Variants in CRAMP1 observed in about 807,000 individuals in gnomAD.
CRAMP1 encodes protein cramped-like.
A neutral mutation model predicts 115.4 loss-of-function variants in CRAMP1; 50 were observed. The observed-to-expected ratio is 0.43, with a 90% CI of 0.35 to 0.55. The LOEUF is 0.55. CRAMP1 is among the 20% of genes least tolerant of loss of function. CRAMP1 has a pLI of 0.01. For synonymous variants in CRAMP1, 866 were observed against 745.4 expected (o/e 1.16, Z -2.64); for missense variants, 1,679 against 1,721.7 (o/e 0.98, Z 0.44).
At position 1,676,603 on chromosome 16, in the gene CRAMP1, A is replaced by T. The variant is rs1356627011; in HGVS notation, c.*2558A>T. 1 of 152,256 alleles carries T rather than the reference A, an allele frequency of 6.6e-6. No homozygotes were observed. The highest frequency in any genetic ancestry group is 6.5e-5 in the Admixed American group (1 of 15,292). 9.4% of individuals were successfully genotyped at this position (152,256 alleles called of 1,614,324 possible). The stretch of plus-strand genomic sequence containing the variant: ...TGTGGCTTCCTTTGTGCATTTGAGC[A>T]TGCTGTAATTAAGATGAGATCAGTT... On this transcript the variant is annotated 3_prime_UTR_variant, in exon 21 of 21. Coordinates refer to ENST00000397412, the MANE Select transcript of CRAMP1 (RefSeq NM_020825.4).
intron 2 of CRAMP1, among the ~76,000 whole-genome samples, chr16:1,620,977 A>C (rs904747248): frequency 6.6e-6 from 1 of 151,616 alleles, no homozygotes; most frequent in Non-Finnish European, 1.5e-5. Flanking sequence ...AAGTTTCCCC[A>C]TTTCTAAAAT....
In CRAMP1 at chr16:1,656,496, C is replaced by T. The variant is rs542745050; in HGVS notation, c.1739C>T (p.Ala580Val). 26 of 1,571,978 alleles carry T rather than the reference C, an allele frequency of 1.7e-5. No homozygotes were observed. In the East Asian group the frequency reaches 2.1e-4, roughly 13 times the overall value. The change falls in exon 10 of 21, where the codon GCG (alanine) becomes GTG (valine). Residue 580 changes from alanine (A) to valine (V), a missense_variant. By Grantham distance (64) the Ala-to-Val change is moderately conservative. This residue lies in a region of CRAMP1 where 405 missense variants were observed against 302.6 expected (regional missense o/e 1.34). Transcript: ENST00000397412. This position sits in a 1 kb window ranked among gnomAD's most constrained non-coding sequence, Gnocchi z 5.6. ...ATTGTCCCCGAGCAGTGCCGCTGTG[C>T]GGACACACGGCCTGGGAGCGAGCAG... ...DLIVPEQCRC[A>V]DTRPGSEQPP...
Position 1,632,293 on chromosome 16 carries a change from A to G in CRAMP1, c.622A>G (p.Asn208Asp). The change falls in exon 4 of 21, where the codon AAC becomes GAC. Residue 208 changes from asparagine to aspartate, a missense_variant. Physicochemically the swap from Asn to Asp is conservative, Grantham distance 23. Transcript: ENST00000397412. Reference sequence around the variant, plus strand: ...AGGCAAGCCAGCAAGCATGGTGAAGAACAAGGAGCAGGTCCGCCACTTCTA... The same window carrying G: ...AGGCAAGCCAGCAAGCATGGTGAAGGACAAGGAGCAGGTCCGCCACTTCTA... ...KKGKPASMVK[N>D]KEQVRHFYYR... 6.2e-7 allele frequency: 1 copy of G among 1,600,106 alleles called. No individual in the cohort carries two copies. The highest frequency in any genetic ancestry group is 8.5e-7 in the Non-Finnish European group (1 of 1,173,886).
At position 1,614,790 on chromosome 16, in the gene CRAMP1, AC is replaced by A; in HGVS notation, c.157del (p.Arg53GlyfsTer94). 4.5e-6 allele frequency: 6 copies of A among 1,334,018 alleles called. No individual in the cohort carries two copies. The highest frequency in any genetic ancestry group is 4.2e-5 in the South Asian group (2 of 47,530). The allele number at this position is 1,334,018 out of a possible 1,614,324, so 82.6% of individuals were successfully genotyped here. On this transcript the variant is annotated frameshift_variant, in exon 2 of 21. Coordinates refer to ENST00000397412, the MANE Select transcript of CRAMP1 (RefSeq NM_020825.4). LOFTEE classifies it high-confidence loss of function. The surrounding 1 kb of genome is among the most constrained non-coding windows in gnomAD (Gnocchi z 4.4). ...CAGCGGCACAAAGAGGGACGAGAAG[AC>A]CCCCCGGGCCGGCGCCGACGGCCCC... ...ESSGTKRDEK[T>X]PRAGADGPPA...
chr16:1,624,264 C>G (rs928671758), intron 2 of CRAMP1, among the ~76,000 whole-genome samples: 4 of 151,852 alleles, frequency 2.6e-5, no homozygotes, highest in Non-Finnish European at 5.9e-5. Flanking sequence ...GACAGACCCC[C>G]CACCGGGTGA....
At chr16:1,619,858 A>T (rs2036451391) in intron 2 of CRAMP1, among the ~76,000 whole-genome samples, 1 of 152,186 alleles carries the variant, frequency 6.6e-6, no homozygotes, top group African/African-American at 2.4e-5. Context: ...GGAAGAGGAC[A>T]TCTCAGAGTC....
chr16:1,676,177 G>A lies in CRAMP1; in HGVS notation c.*2132G>A, dbSNP rs2036965930. 1 of 152,270 alleles carries A rather than the reference G, an allele frequency of 6.6e-6. No homozygotes were observed. The highest frequency in any genetic ancestry group is 2.1e-4 in the South Asian group (1 of 4,830). 9.4% of individuals were successfully genotyped at this position (152,270 alleles called of 1,614,324 possible). On this transcript the variant is annotated 3_prime_UTR_variant, in exon 21 of 21. Transcript: ENST00000397412. ...CAACTCAGTGGGGTGAAGTTTTGGAGGTCAGAGTCTGCTTTCGTAGGCTCT... is the reference window on the plus strand; with the variant it reads ...CAACTCAGTGGGGTGAAGTTTTGGAAGTCAGAGTCTGCTTTCGTAGGCTCT...
intron 5 of CRAMP1, among the ~76,000 whole-genome samples, chr16:1,639,443 A>G (rs1162571726): frequency 2.0e-5 from 3 of 151,376 alleles, no homozygotes; most frequent in East Asian, 4.0e-4. Context: ...TGTACACCCT[A>G]TGTAAATGAA....
intron 6 of CRAMP1, among the ~76,000 whole-genome samples, chr16:1,643,441 T>C (rs772648755): frequency 4.6e-5 from 7 of 151,768 alleles, no homozygotes; most frequent in Non-Finnish European, 7.4e-5. Context: ...CTTGGGAGGC[T>C]GAGGCAGGAG....
At position 1,676,507 on chromosome 16, in the gene CRAMP1, A is replaced by G. The variant is rs1227548359; in HGVS notation, c.*2462A>G. ...CAACTGTTAAAGGCTGGAATTTTCA[A>G]AAGATCCAAACAGAGACTTCCTGCA... On this transcript the variant is annotated 3_prime_UTR_variant, in exon 21 of 21. Coordinates refer to ENST00000397412, the MANE Select transcript of CRAMP1 (RefSeq NM_020825.4). The G allele has an allele frequency of 6.6e-6, 1 of 150,790 alleles. No homozygotes were observed. Among genetic ancestry groups the G allele is most frequent in the Non-Finnish European group, 1.5e-5 (1 of 67,684 alleles). 9.3% of individuals were successfully genotyped at this position (150,790 alleles called of 1,614,324 possible). A position where few individuals can be genotyped will look rare whatever the true frequency, so the allele number is the denominator to read the frequency against.
At chr16:1,645,349 G>A in intron 6 of CRAMP1, 1 of 254,438 alleles carries the variant, frequency 3.9e-6, no homozygotes, top group Non-Finnish European at 8.4e-6. Context: ...ACCACGCCCG[G>A]CTAATTTTTT....
Position 1,662,844 on chromosome 16 carries a change from C to A in CRAMP1, c.2670+9C>A. 6.2e-7 allele frequency: 1 copy of A among 1,612,248 alleles called. No individual in the cohort carries two copies. Among genetic ancestry groups the A allele is most frequent in the South Asian group, 1.1e-5 (1 of 90,944 alleles). On this transcript the variant is annotated intron_variant, in intron 13 of 20. Transcript: ENST00000397412. Reference sequence around the variant, plus strand: ...AGCCACTGGTGGTCCAGGTCAGGGTCTTCTCAAGTCTGAACGTGTGGCCTC... The same window carrying A: ...AGCCACTGGTGGTCCAGGTCAGGGTATTCTCAAGTCTGAACGTGTGGCCTC...
intron 6 of CRAMP1, among the ~76,000 whole-genome samples, chr16:1,643,325 A>G (rs1596489020): frequency 6.6e-6 from 1 of 152,106 alleles, no homozygotes; most frequent in Non-Finnish European, 1.5e-5. Context: ...GGTGGATCAC[A>G]AGGTCAAGAG....
chr16:1,668,521 G>C (rs2036895307), intron 18 of CRAMP1, among the ~76,000 whole-genome samples: 1 of 152,222 alleles, frequency 6.6e-6, no homozygotes. Flanking sequence ...GTCTTGCACA[G>C]CTTGTGAAGC....
intron 6 of CRAMP1, among the ~76,000 whole-genome samples, chr16:1,650,882 C>T (rs529313758): frequency 1.3e-5 from 2 of 152,372 alleles, no homozygotes; most frequent in African/African-American, 4.8e-5. Context: ...TGTCGTTCAC[C>T]AGCCAGTGGG....
At position 1,656,497 on chromosome 16, in the gene CRAMP1, G is replaced by A. The variant is rs1233821180; in HGVS notation, c.1740G>A (p.Ala580=). 5.1e-6 allele frequency: 8 copies of A among 1,572,324 alleles called. No homozygotes were observed. The highest frequency in any genetic ancestry group is 6.9e-6 in the Non-Finnish European group (8 of 1,159,662). ...TTGTCCCCGAGCAGTGCCGCTGTGC[G>A]GACACACGGCCTGGGAGCGAGCAGC... The part of the protein sequence containing the change: ...DLIVPEQCRC[A]DTRPGSEQPP... Residue 580 remains alanine, a synonymous_variant, in exon 10 of 21, where the codon GCG becomes GCA. Transcript: ENST00000397412. This position sits in a 1 kb window ranked among gnomAD's most constrained non-coding sequence, Gnocchi z 5.6.
At chr16:1,653,896 C>T (rs2036746658) in intron 8 of CRAMP1, among the ~76,000 whole-genome samples, 1 of 150,800 alleles carries the variant, frequency 6.6e-6, no homozygotes, top group African/African-American at 2.4e-5. Flanking sequence ...AATCCCAGCA[C>T]TTTGGGAGGC....
intron 13 of CRAMP1, 33 bp from the exon 14 acceptor site, chr16:1,665,024 C>T (rs755364953): frequency 6.9e-7 from 1 of 1,455,382 alleles, no homozygotes; most frequent in Non-Finnish European, 9.7e-7. Context: ...ATGGGAGTTT[C>T]ATCACCTTGA....
In CRAMP1 at chr16:1,671,375, G is replaced by C. The variant is rs1336061492; in HGVS notation, c.3645+566G>C. Reference sequence around the variant, plus strand: ...GTTCTTGAGGGGAAGGCGAAACGTGGTTTGTGACTCTCCACTTTTGACGAG... The same window carrying C: ...GTTCTTGAGGGGAAGGCGAAACGTGCTTTGTGACTCTCCACTTTTGACGAG... On this transcript the variant is annotated intron_variant, in intron 20 of 20. Transcript: ENST00000397412. The surrounding 1 kb of genome is among the most constrained non-coding windows in gnomAD (Gnocchi z 5.0). Among the ~76,000 whole-genome samples, 1 of 152,216 alleles carries C rather than the reference G, an allele frequency of 6.6e-6. No homozygotes were observed. The highest frequency in any genetic ancestry group is 1.5e-5 in the Non-Finnish European group (1 of 68,036).
Sources: gnomAD v4.1 joint callset for allele counts (sites outside exome capture counted in the v4.1 genomes callset) on GRCh38, gnomAD v4.1.1 for gene constraint, gnomAD v4.1.1 regional missense constraint, Gnocchi (gnomAD v3.1) non-coding constraint, MANE v1.5 for transcripts, NCBI Gene and HGNC (gene_info 2026-07-23, HGNC 2026-07-21) for gene names.